The following CDH4 variants were observed in gnomAD, a reference collection of about 807,000 sequenced individuals.
The protein encoded by CDH4 is cadherin-4.
CDH4 carries 33 observed loss-of-function variants against 86.0 expected under a neutral mutation model. The observed-to-expected ratio is 0.38, with a 90% CI of 0.29 to 0.51. The LOEUF (loss-of-function observed/expected upper bound fraction) is 0.51, where lower values mean the gene tolerates loss of function less well. CDH4 is among the 20% of genes least tolerant of loss of function. The pLI is 0.86. For synonymous variants in CDH4, 555 were observed against 549.4 expected, an observed-to-expected ratio of 1.01 and a Z score of -0.14; for missense variants, 1,114 against 1,307.4, an observed-to-expected ratio of 0.85 and a Z score of 2.28.
intron 2 of CDH4, among the ~76,000 whole-genome samples, chr20:61,700,202 G>A (rs1389538886): frequency 3.3e-5 from 5 of 152,174 alleles, no homozygotes; most frequent in Non-Finnish European, 5.9e-5. Context: ...TTCAAAGACT[G>A]ATTCACAGTG....
chr20:61,792,166 G>A lies in CDH4; in HGVS notation c.576+18984G>A, dbSNP rs1195511300. ...GTGAAGGTGAGGAGGGGAAAGCGGG[G>A]GCCCAGATGGCCTGCAGGGAAGGAC... On this transcript the variant is annotated intron_variant, in intron 4 of 15. Coordinates refer to ENST00000614565, the MANE Select transcript of CDH4 (RefSeq NM_001794.5). 2.0e-5 allele frequency among the ~76,000 whole-genome samples: 3 copies of A among 152,208 alleles called. No homozygotes were observed. In the East Asian group the frequency reaches 5.8e-4, roughly 29 times the overall value.
chr20:61,626,486 G>A lies in CDH4; in HGVS notation c.170-117077G>A, dbSNP rs1294397253. On this transcript the variant is annotated intron_variant, in intron 2 of 15. Transcript: ENST00000614565. Reference sequence around the variant, plus strand: ...GCACCCGTGTTCCCGAAGTCAGTGCGTTGTGGGGGGTGGGGGTGGCACAGA... The same window carrying A: ...GCACCCGTGTTCCCGAAGTCAGTGCATTGTGGGGGGTGGGGGTGGCACAGA... 4.6e-5 allele frequency among the ~76,000 whole-genome samples: 7 copies of A among 151,540 alleles called. 1 individual carries two copies. In the South Asian group the frequency reaches 8.4e-4, roughly 18 times the overall value.
intron 2 of CDH4, among the ~76,000 whole-genome samples, chr20:61,400,009 T>G (rs1261751010): frequency 6.6e-6 from 1 of 152,174 alleles, no homozygotes; most frequent in Admixed American, 6.5e-5. Context: ...ATCCCTCCTG[T>G]CATTTTTCAA....
rs1301181171 is a variant in CDH4, at chr20:61,518,150, T to C, written c.170-225413T>C. ...GGTTTAGTGCTCATTCTTCACTCAC[T>C]GTGTCTGGGACACTAGGTGGGTGTT... On this transcript the variant is annotated intron_variant, in intron 2 of 15. Transcript: ENST00000614565. This position sits in a 1 kb window ranked among gnomAD's most constrained non-coding sequence, Gnocchi z 6.3. Among the ~76,000 whole-genome samples, 1 of 152,242 alleles carries C rather than the reference T, an allele frequency of 6.6e-6. No individual in the cohort carries two copies. Among genetic ancestry groups the C allele is most frequent in the African/African-American group, 2.4e-5 (1 of 41,468 alleles).
intron 2 of CDH4, among the ~76,000 whole-genome samples, chr20:61,359,228 G>A (rs2084770414): frequency 6.6e-6 from 1 of 152,196 alleles, no homozygotes; most frequent in Non-Finnish European, 1.5e-5. Flanking sequence ...AACCTGGCGA[G>A]GTATTTATTC....
chr20:61,840,371 AG>A (rs1982104900), intron 4 of CDH4, among the ~76,000 whole-genome samples: 1 of 152,202 alleles, frequency 6.6e-6, no homozygotes. Flanking sequence ...AAAACCACAC[AG>A]GGTGACTTTT....
In CDH4 at chr20:61,659,921, C is replaced by G. The variant is rs529665433; in HGVS notation, c.170-83642C>G. On this transcript the variant is annotated intron_variant, in intron 2 of 15. Coordinates refer to ENST00000614565, the MANE Select transcript of CDH4 (RefSeq NM_001794.5). ...TTTGGCTTCCTCAGTCTGTCCCCAC[C>G]GTGTCTCCTGGCCCCTCCCCAAGCC... 9.8e-5 allele frequency among the ~76,000 whole-genome samples: 15 copies of G among 152,328 alleles called. No homozygotes were observed. The East Asian group carries it at 1.5e-3, about 16-fold the overall frequency.
At chr20:61,383,240 A>ATT (rs1370659644) in intron 2 of CDH4, among the ~76,000 whole-genome samples, 3 of 125,554 alleles carry the variant, frequency 2.4e-5, no homozygotes, top group Non-Finnish European at 4.8e-5. Context: ...ATATGAATAT[A>ATT]TATGATTATA....
intron 2 of CDH4, chr20:61,719,298 T>C: frequency 5.5e-6 from 2 of 365,182 alleles, no homozygotes; most frequent in South Asian, 4.4e-5. Flanking sequence ...CCGTGTGGCC[T>C]CATTGCAGAA....
intron 2 of CDH4, among the ~76,000 whole-genome samples, chr20:61,691,616 T>C (rs756254739): frequency 6.6e-6 from 1 of 152,166 alleles, no homozygotes; most frequent in Admixed American, 6.5e-5. Flanking sequence ...CAAACCTACA[T>C]GGTCCAGCCT....
chr20:61,282,536 G>GGTTT (rs11472670), intron 2 of CDH4, among the ~76,000 whole-genome samples: 2 of 146,644 alleles, frequency 1.4e-5, no homozygotes, highest in Admixed American at 1.3e-4. Flanking sequence ...TCTTTGGCAT[G>GGTTT]GTGTGTGTGC....
intron 2 of CDH4, among the ~76,000 whole-genome samples, chr20:61,356,263 G>A (rs2084749674): frequency 6.6e-6 from 1 of 152,182 alleles, no homozygotes; most frequent in Admixed American, 6.5e-5. Context: ...CATCTGGAAG[G>A]CACCGCAGCT....
chr20:61,592,600 C>A (rs1190928938), intron 2 of CDH4, among the ~76,000 whole-genome samples: 1 of 152,122 alleles, frequency 6.6e-6, no homozygotes, highest in Non-Finnish European at 1.5e-5. Context: ...AAACCCCATC[C>A]CTATTAAGCA....
chr20:61,606,943 G>A (rs1177566841), intron 2 of CDH4, among the ~76,000 whole-genome samples: 1 of 152,214 alleles, frequency 6.6e-6, no homozygotes, highest in Non-Finnish European at 1.5e-5. Context: ...TCTCCGACTG[G>A]CCTGCAGGAA....
At position 61,933,121 on chromosome 20, in the gene CDH4, C is replaced by T. The variant is rs1451566038; in HGVS notation, c.2376C>T (p.Asp792=). ...ACGAGGAAGGCGGTGGCGAGGAGGA[C>T]CAGGTGAGACTGCGGCCCGCCCCCG... is the stretch of plus-strand genomic sequence containing the variant. ...KYDEEGGGEE[D]QDYDLSQLQQ... is the part of the protein sequence containing the mutation. The change falls in exon 14 of 16, where the codon GAC becomes GAT. Residue 792 remains aspartate, a synonymous_variant. Transcript: ENST00000614565. The T allele has an allele frequency of 2.5e-6, 4 of 1,612,112 alleles. No individual in the cohort carries two copies. In the African/African-American group the frequency reaches 4.0e-5, roughly 16 times the overall value.
At chr20:61,490,245 A>C (rs1312617294) in intron 2 of CDH4, among the ~76,000 whole-genome samples, 1 of 152,214 alleles carries the variant, frequency 6.6e-6, no homozygotes, top group African/African-American at 2.4e-5. Context: ...GGGTTCATCC[A>C]TGTGGTGGAA....
chr20:61,298,941 G>A (rs1223131081), intron 2 of CDH4, among the ~76,000 whole-genome samples: 2 of 152,032 alleles, frequency 1.3e-5, no homozygotes, highest in Non-Finnish European at 2.9e-5. Flanking sequence ...TCTGAAAACA[G>A]CCAATTTGGA....
intron 2 of CDH4, among the ~76,000 whole-genome samples, chr20:61,522,947 G>A (rs560609087): frequency 2.0e-5 from 3 of 152,362 alleles, no homozygotes; most frequent in African/African-American, 4.8e-5. Context: ...ACACGCAGGT[G>A]CATCTGGCAG....
intron 2 of CDH4, among the ~76,000 whole-genome samples, chr20:61,637,819 G>A (rs1297454731): frequency 1.3e-5 from 2 of 151,960 alleles, no homozygotes; most frequent in Non-Finnish European, 1.5e-5. Flanking sequence ...TCAGGAGTTC[G>A]AGACCAGCTT....
Sources: gnomAD v4.1 joint callset for allele counts (sites outside exome capture counted in the v4.1 genomes callset) on GRCh38, gnomAD v4.1.1 for gene constraint, Gnocchi (gnomAD v3.1) non-coding constraint, MANE v1.5 for transcripts, NCBI Gene and HGNC (gene_info 2026-07-23, HGNC 2026-07-21) for gene names.